The following CHN2 variants were observed in gnomAD, a reference collection of about 807,000 sequenced individuals.
The protein encoded by CHN2 is chimerin 2.
Under a neutral mutation model 56.3 loss-of-function variants are expected in CHN2, and 35 were observed. That is an observed-to-expected ratio of 0.62 (90% CI 0.47 to 0.82). CHN2 has a LOEUF of 0.82. Among genes scored for constraint, CHN2 ranks in the 40% least tolerant of loss-of-function variants. The probability of loss-of-function intolerance (pLI) is 0.00; values close to 1 mark genes in which losing one functional copy is unlikely to be tolerated. For missense variants in CHN2, 491 were observed against 580.5 expected (o/e 0.85, Z 1.58); for synonymous variants, 210 against 212.8 (o/e 0.99, Z 0.12).
At chr7:29,311,268 A>C (rs1585029909) in intron 1 of CHN2, among the ~76,000 whole-genome samples, 1 of 152,148 alleles carries the variant, frequency 6.6e-6, no homozygotes, top group Non-Finnish European at 1.5e-5. Context: ...CAACCTGGCA[A>C]ATGTGATCCA....
intron 2 of CHN2, chr7:29,184,680 G>C (rs976521307): frequency 2.0e-5 from 3 of 152,164 alleles, no homozygotes; most frequent in Admixed American, 6.6e-5. Flanking sequence ...TCTACATACT[G>C]GGGGAAAATC....
chr7:29,332,375 G>A (rs1425617431), intron 1 of CHN2, among the ~76,000 whole-genome samples: 1 of 152,208 alleles, frequency 6.6e-6, no homozygotes, highest in Non-Finnish European at 1.5e-5. Context: ...GCTGCTAGCT[G>A]CTAATACAGA....
At chr7:29,434,830 G>A (rs1455468950) in intron 6 of CHN2, among the ~76,000 whole-genome samples, 2 of 152,190 alleles carry the variant, frequency 1.3e-5, no homozygotes, top group African/African-American at 4.8e-5. Context: ...AGTGTCTCAT[G>A]CCTGTAATCC....
At chr7:29,293,503 C>T (rs1222807848) in intron 1 of CHN2, among the ~76,000 whole-genome samples, 1 of 152,160 alleles carries the variant, frequency 6.6e-6, no homozygotes, top group Non-Finnish European at 1.5e-5. Context: ...ACTATCATCC[C>T]TCAGACTTCT....
chr7:29,309,707 C>G (rs887489086), intron 1 of CHN2, among the ~76,000 whole-genome samples: 5 of 152,214 alleles, frequency 3.3e-5, no homozygotes, highest in Admixed American at 1.3e-4. Context: ...GATCAAGGAG[C>G]TGATGGGAAT....
chr7:29,229,994 T>C (rs1786540804), intron 1 of CHN2, among the ~76,000 whole-genome samples: 1 of 151,690 alleles, frequency 6.6e-6, no homozygotes, highest in South Asian at 2.1e-4. Context: ...AATAAATAAA[T>C]AAATAAATAA....
At chr7:29,376,291 C>T (rs1800075564) in intron 3 of CHN2, 1 of 152,190 alleles carries the variant, frequency 6.6e-6, no homozygotes, top group Non-Finnish European at 1.5e-5. Context: ...ATGCTACGCC[C>T]ACCACAATCC....
chr7:29,210,429 CCA>C (rs762218744), intron 1 of CHN2, among the ~76,000 whole-genome samples: 1 of 151,332 alleles, frequency 6.6e-6, no homozygotes, highest in South Asian at 2.1e-4. Context: ...CACACACACC[CCA>C]CACACACACC....
chr7:29,296,027 G>A (rs566569553), intron 1 of CHN2, among the ~76,000 whole-genome samples: 3 of 152,174 alleles, frequency 2.0e-5, no homozygotes, highest in African/African-American at 4.8e-5. Flanking sequence ...TTGTAGCTGC[G>A]AAGCCCTAGG....
chr7:29,441,355 A>G (rs560958099), intron 6 of CHN2, among the ~76,000 whole-genome samples: 9 of 152,076 alleles, frequency 5.9e-5, no homozygotes, highest in Admixed American at 5.9e-4. Flanking sequence ...TTAAAAGAAA[A>G]CATTTCTTTG....
chr7:29,479,910 A>G, intron 6 of CHN2: 1 of 1,429,932 alleles, frequency 7.0e-7, no homozygotes, highest in Non-Finnish European at 9.1e-7. Flanking sequence ...ATAGCACAAA[A>G]CAGGCCCATC....
chr7:29,220,594 G>C (rs1233309546), intron 1 of CHN2, among the ~76,000 whole-genome samples: 3 of 151,836 alleles, frequency 2.0e-5, no homozygotes, highest in African/African-American at 7.3e-5. Flanking sequence ...TACCAAAACA[G>C]ACATAAGAAG....
At chr7:29,240,813 T>G (rs1341865944) in intron 1 of CHN2, among the ~76,000 whole-genome samples, 3 of 129,282 alleles carry the variant, frequency 2.3e-5, no homozygotes, top group African/African-American at 5.4e-5. Context: ...CTTCTTCTTC[T>G]TCTTCGTCGT....
rs1798735049 is a variant in CHN2, at chr7:29,186,510, T to C, written c.274+39550T>C. 3.3e-5 allele frequency: 5 copies of C among 151,328 alleles called. No homozygotes were observed. The South Asian group carries it at 1.0e-3, about 32-fold the overall frequency. 9.4% of individuals were successfully genotyped at this position (151,328 alleles called of 1,614,324 possible). ...TGGATTAAGCCCAGGAGGTAGAGGC[T>C]GTAGCAGTGAGCTGTGATCGTGTCA... is the stretch of plus-strand genomic sequence containing the variant. On this transcript the variant is annotated intron_variant, in intron 2 of 6. Coordinates refer to the CHN2 transcript ENST00000439384.
At chr7:29,327,188 G>T (rs1795871888) in intron 1 of CHN2, among the ~76,000 whole-genome samples, 1 of 152,160 alleles carries the variant, frequency 6.6e-6, no homozygotes, top group African/African-American at 2.4e-5. Context: ...ATGATAAAGG[G>T]CTTTGAGGTG....
chr7:29,417,040 C>T (rs1480097778), intron 6 of CHN2, among the ~76,000 whole-genome samples: 1 of 152,114 alleles, frequency 6.6e-6, no homozygotes, highest in Non-Finnish European at 1.5e-5. Flanking sequence ...TGCATGCCGC[C>T]GGGTAGCATC....
At chr7:29,179,301 A>T (rs967724352) in intron 2 of CHN2, among the ~76,000 whole-genome samples, 1 of 152,212 alleles carries the variant, frequency 6.6e-6, no homozygotes, top group African/African-American at 2.4e-5. Flanking sequence ...ACGCCAAGTC[A>T]TGAGGAAGAG....
rs562446093 is a variant in CHN2, at chr7:29,476,884, G to A, written c.577-3395G>A. Among the ~76,000 whole-genome samples the A allele has an allele frequency of 5.5e-4, 84 of 152,294 alleles. 1 individual carries two copies. Among genetic ancestry groups the A allele is most frequent in the African/African-American group, 2.0e-3 (83 of 41,546 alleles). On this transcript the variant is annotated intron_variant, in intron 6 of 12. Coordinates refer to ENST00000222792, the MANE Select transcript of CHN2 (RefSeq NM_004067.4). ...CCAGTGAGAATCCCTGGTTCAAACAGAGCATGTAGGGAAATGTGCTTCATC... is the reference window on the plus strand; with the variant it reads ...CCAGTGAGAATCCCTGGTTCAAACAAAGCATGTAGGGAAATGTGCTTCATC...
intron 6 of CHN2, among the ~76,000 whole-genome samples, chr7:29,459,694 G>A (rs758115180): frequency 3.9e-5 from 6 of 152,114 alleles, no homozygotes; most frequent in African/African-American, 7.2e-5. Flanking sequence ...CACCTTCACC[G>A]CAGGCCAGGT....
Sources: gnomAD v4.1 joint callset for allele counts (sites outside exome capture counted in the v4.1 genomes callset) on GRCh38, gnomAD v4.1.1 for gene constraint, MANE v1.5 for transcripts, NCBI Gene and HGNC (gene_info 2026-07-23, HGNC 2026-07-21) for gene names.